Variants in CRACD observed in about 807,000 individuals in gnomAD.
CRACD encodes capping protein-inhibiting regulator of actin dynamics.
A neutral mutation model predicts 106.8 loss-of-function variants in CRACD; 56 were observed. The ratio of observed to expected loss-of-function variants is 0.52; its 90% CI spans 0.42 to 0.66. The LOEUF (loss-of-function observed/expected upper bound fraction) is 0.66, where lower values mean the gene tolerates loss of function less well. Among genes scored for constraint, CRACD ranks in the 30% least tolerant of loss-of-function variants. The pLI is 0.00. For missense variants in CRACD, 1,730 were observed against 1,623.2 expected, an observed-to-expected ratio of 1.07 and a Z score of -1.13; for synonymous variants, 754 against 670.8, an observed-to-expected ratio of 1.12 and a Z score of -1.92.
chr4:56,241,009 G>A (rs1740337821), intron 2 of CRACD, among the ~76,000 whole-genome samples: 1 of 152,188 alleles, frequency 6.6e-6, no homozygotes, highest in East Asian at 1.9e-4. Context: ...TGCAGTGAGG[G>A]AAAGCAGGAA....
At chr4:56,098,159 GTGTT>G (rs1733657433) in intron 1 of CRACD, among the ~76,000 whole-genome samples, 1 of 152,210 alleles carries the variant, frequency 6.6e-6, no homozygotes, top group African/African-American at 2.4e-5. Context: ...CTTGACAAAT[GTGTT>G]ACTGTAGACA....
intron 1 of CRACD, among the ~76,000 whole-genome samples, chr4:56,122,327 A>T (rs902312410): frequency 2.0e-5 from 3 of 151,316 alleles, no homozygotes; most frequent in Non-Finnish European, 2.9e-5. Flanking sequence ...AAAAAAAAGA[A>T]TTTTTAAATT....
chr4:56,277,751 A>G (rs1000321319), intron 3 of CRACD, among the ~76,000 whole-genome samples: 6 of 152,220 alleles, frequency 3.9e-5, no homozygotes, highest in African/African-American at 1.2e-4. Flanking sequence ...ATATATAGAA[A>G]GTCCTAAGGA....
At chr4:56,294,765 T>C (rs1184185165) in intron 3 of CRACD, among the ~76,000 whole-genome samples, 1 of 151,392 alleles carries the variant, frequency 6.6e-6, no homozygotes, top group African/African-American at 2.4e-5. Context: ...AATACAAAAA[T>C]TAACCAGGCG....
At chr4:56,180,220 G>A (rs542282710) in intron 2 of CRACD, among the ~76,000 whole-genome samples, 1 of 151,836 alleles carries the variant, frequency 6.6e-6, no homozygotes, top group East Asian at 1.9e-4. Flanking sequence ...AGCCGGGCAC[G>A]TTGGCTCACG....
intron 10 of CRACD, among the ~76,000 whole-genome samples, chr4:56,325,395 G>C (rs978931980): frequency 6.6e-6 from 1 of 152,306 alleles, no homozygotes; most frequent in African/African-American, 2.4e-5. Flanking sequence ...CAGGAGCTCC[G>C]CACCCGGGTT....
intron 1 of CRACD, among the ~76,000 whole-genome samples, chr4:56,171,630 A>G (rs990106139): frequency 2.0e-5 from 3 of 152,218 alleles, no homozygotes; most frequent in African/African-American, 4.8e-5. Flanking sequence ...AGTATGGACA[A>G]TTTGCCACTG....
chr4:56,180,219 C>T (rs992800949), intron 2 of CRACD, among the ~76,000 whole-genome samples: 3 of 151,954 alleles, frequency 2.0e-5, no homozygotes, highest in African/African-American at 7.3e-5. Flanking sequence ...CAGCCGGGCA[C>T]GTTGGCTCAC....
At chr4:56,190,379 C>T (rs1250832346) in intron 2 of CRACD, among the ~76,000 whole-genome samples, 1 of 151,914 alleles carries the variant, frequency 6.6e-6, no homozygotes, top group Non-Finnish European at 1.5e-5. Context: ...GTTGTAGATC[C>T]CTGAGGAATC....
Position 56,314,509 on chromosome 4 carries a change from A to C in CRACD, c.1007A>C (p.Glu336Ala), listed in dbSNP as rs1478109596. 5.9e-6 allele frequency: 9 copies of C among 1,515,234 alleles called. No homozygotes were observed. The highest frequency in any genetic ancestry group is 1.3e-5 in the South Asian group (1 of 78,932). 93.9% of individuals were successfully genotyped at this position (1,515,234 alleles called of 1,614,324 possible). Residue 336 changes from glutamate (E) to alanine (A), a missense_variant, in exon 8 of 11, where the codon GAG (glutamate) becomes GCG (alanine). Glu to Ala is a moderately radical substitution (Grantham distance 107). Transcript: ENST00000682029. The surrounding 1 kb of genome is among the most constrained non-coding windows in gnomAD (Gnocchi z 4.4). ...QAQAEERRRLEEDARLEERRR... is the reference protein window; with the variant it reads ...QAQAEERRRLAEDARLEERRR... Reference sequence around the variant, plus strand: ...CAAGCGGAGGAGAGGCGGCGGCTGGAGGAGGACGCCAGGCTGGAGGAGCGG... The same window carrying C: ...CAAGCGGAGGAGAGGCGGCGGCTGGCGGAGGACGCCAGGCTGGAGGAGCGG...
At position 56,328,254 on chromosome 4, in the gene CRACD, A is replaced by G. The variant is rs551387840; in HGVS notation, c.*450A>G. 1 of 508,560 alleles carries G rather than the reference A, an allele frequency of 2.0e-6. No homozygotes were observed. Among genetic ancestry groups the G allele is most frequent in the Non-Finnish European group, 3.9e-6 (1 of 254,752 alleles). 31.5% of individuals were successfully genotyped at this position (508,560 alleles called of 1,614,324 possible). ...GGGAATGTTTATCCTTTCTACAGTA[A>G]TGGTGAAAGGATCATATCTAGCTAA... On this transcript the variant is annotated 3_prime_UTR_variant, in exon 11 of 11. Transcript: ENST00000682029.
chr4:56,217,374 A>G (rs867039120), intron 2 of CRACD, among the ~76,000 whole-genome samples: 9 of 151,908 alleles, frequency 5.9e-5, no homozygotes, highest in African/African-American at 2.2e-4. Flanking sequence ...TTAGAGAGAC[A>G]TAAGATATCA....
intron 1 of CRACD, among the ~76,000 whole-genome samples, chr4:56,059,587 G>A (rs1040000337): frequency 1.3e-5 from 2 of 152,170 alleles, no homozygotes; most frequent in African/African-American, 4.8e-5. Context: ...CATGTATTGG[G>A]TACCATGGGC....
At chr4:56,072,657 C>T (rs1348603597) in intron 1 of CRACD, among the ~76,000 whole-genome samples, 6 of 151,774 alleles carry the variant, frequency 4.0e-5, no homozygotes, top group Non-Finnish European at 8.8e-5. Flanking sequence ...GCAGAACGTC[C>T]AGGTTTGTTA....
intron 1 of CRACD, among the ~76,000 whole-genome samples, chr4:56,071,666 C>G (rs558420526): frequency 6.6e-6 from 1 of 151,980 alleles, no homozygotes; most frequent in Admixed American, 6.6e-5. Flanking sequence ...TGTGCCACCA[C>G]GTCCGGCTAA....
chr4:56,261,308 A>G (rs1232128815), intron 2 of CRACD, among the ~76,000 whole-genome samples: 1 of 151,298 alleles, frequency 6.6e-6, no homozygotes, highest in Non-Finnish European at 1.5e-5. Flanking sequence ...GTGGCCAAAC[A>G]CTGAGGCTTC....
chr4:56,264,064 G>A (rs1228660509), intron 2 of CRACD, among the ~76,000 whole-genome samples: 1 of 152,144 alleles, frequency 6.6e-6, no homozygotes, highest in African/African-American at 2.4e-5. Context: ...GAAGGCAAAG[G>A]GGAAGCAGGC....
intron 3 of CRACD, among the ~76,000 whole-genome samples, chr4:56,283,851 C>CCA (rs1217805973): frequency 6.6e-6 from 1 of 152,102 alleles, no homozygotes; most frequent in Non-Finnish European, 1.5e-5. Flanking sequence ...CATGTAGACA[C>CCA]CAGGAAAACT....
rs1739756595 is a variant in CRACD at position 56,233,336 on chromosome 4, G to A, written c.-188-38985G>A. Among the ~76,000 whole-genome samples the A allele has an allele frequency of 2.6e-5, 4 of 151,592 alleles. No homozygotes were observed. The South Asian group carries it at 8.4e-4, about 32-fold the overall frequency. On this transcript the variant is annotated intron_variant, in intron 2 of 10. Transcript: ENST00000682029. ...CTATATTTCCCAGGCTGAACACCTG[G>A]GCTCAAGAGATCCACCTGCCTCAGT...
Sources: allele counts gnomAD v4.1 joint callset (sites outside exome capture counted in the v4.1 genomes callset), GRCh38; gene constraint gnomAD v4.1.1; non-coding constraint Gnocchi (gnomAD v3.1); transcripts MANE v1.5; gene names NCBI Gene and HGNC (gene_info 2026-07-23, HGNC 2026-07-21).